MEGF6: variants seen among roughly 807,000 people sequenced by gnomAD.
MEGF6 encodes multiple EGF like domains 6, also known as multiple epidermal growth factor-like domains protein 6.
Under a neutral mutation model 207.1 loss-of-function variants are expected in MEGF6, and 184 were observed. The observed-to-expected ratio is 0.89, with a 90% CI of 0.79 to 1.00. MEGF6 has a LOEUF of 1.00. Among genes scored for constraint, MEGF6 ranks in the 50% least tolerant of loss-of-function variants. The pLI, the probability that MEGF6 is intolerant of heterozygous loss-of-function variation, is 0.00. For missense variants in MEGF6, 2,282 were observed against 2,202.9 expected (o/e 1.04, Z -0.72); for synonymous variants, 1,038 against 910.0 (o/e 1.14, Z -2.53).
chr1:3,548,863 G>A (rs1156850731), intron 4 of MEGF6, among the ~76,000 whole-genome samples: 2 of 152,118 alleles, frequency 1.3e-5, no homozygotes, highest in Non-Finnish European at 2.9e-5. Context: ...GCAGCTGGGG[G>A]CCTTCAGGGA....
At position 3,494,680 on chromosome 1, in the gene MEGF6, G is replaced by A. The variant is rs1557712791; in HGVS notation, c.3933C>T (p.Gly1311=). ...CEHTCSCRNG[G]LCHASNGSCS... ...AGCTGCCGTTGCTGGCGTGGCACAG[G>A]CCCCCATTTCTGCAGGAGCAGGTGT... Residue 1311 remains glycine (G), a synonymous_variant, in exon 31 of 37, where the codon GGC becomes GGT. Transcript: ENST00000356575. 5 of 1,574,094 alleles carry A rather than the reference G, an allele frequency of 3.2e-6. No individual in the cohort carries two copies. The highest frequency in any genetic ancestry group is 3.7e-5 in the Admixed American group (2 of 54,720).
At position 3,495,892 on chromosome 1, in the gene MEGF6, C is replaced by G. The variant is rs763120864; in HGVS notation, c.3869G>C (p.Arg1290Pro). ...PPGRAGVRCE[R>P]GCPQNRFGVG... ...TGCCCTCTGGAGTGAACACTCACCT[C>G]GCTCACAGCGGACGCCGGCTCTCCC... The change falls in exon 30 of 37, where the codon CGA (arginine) becomes CCA (proline). Residue 1290 changes from arginine to proline, a missense_variant and splice_region_variant. By Grantham distance (103) the Arg-to-Pro change is moderately radical. Coordinates refer to ENST00000356575, the MANE Select transcript of MEGF6 (RefSeq NM_001409.4). The G allele has an allele frequency of 1.3e-6, 2 of 1,598,272 alleles. No individual in the cohort carries two copies. The highest frequency in any genetic ancestry group is 1.1e-5 in the South Asian group (1 of 90,756).
At chr1:3,529,957 A>C in intron 4 of MEGF6, among the ~76,000 whole-genome samples, 1 of 152,032 alleles carries the variant, frequency 6.6e-6, no homozygotes. Flanking sequence ...CGGGGTCCTC[A>C]CCCCCAGGGA....
chr1:3,577,945 T>C (rs953557464), intron 4 of MEGF6, among the ~76,000 whole-genome samples: 4 of 152,152 alleles, frequency 2.6e-5, no homozygotes, highest in Non-Finnish European at 4.4e-5. Context: ...GTGAGCCTCC[T>C]GCAAGCCCTG....
chr1:3,607,248 G>A (rs187769402), intron 1 of MEGF6, among the ~76,000 whole-genome samples: 37 of 149,384 alleles, frequency 2.5e-4, no homozygotes, highest in African/African-American at 8.9e-4. Context: ...GGACCACCCA[G>A]CAGCCCTTCC....
chr1:3,620,875 A>G, the MEGF6 span, among the ~76,000 whole-genome samples: 2 of 152,334 alleles, frequency 1.3e-5, no homozygotes, highest in African/African-American at 4.8e-5. Flanking sequence ...ACTCATCTCC[A>G]ATGATAGGTA....
Position 3,611,075 on chromosome 1 carries a change from G to C in MEGF6, c.131+63C>G. On this transcript the variant is annotated intron_variant, in intron 1 of 36. Coordinates refer to ENST00000356575, the MANE Select transcript of MEGF6 (RefSeq NM_001409.4). ...AAGCCTCGGAGCTCGGTCCACCACG[G>C]GCCTCCAGAGGCCCCGGGGTCCCTG... is the stretch of plus-strand genomic sequence containing the variant. 2.8e-6 allele frequency: 4 copies of C among 1,403,724 alleles called. No homozygotes were observed. The South Asian group carries it at 4.5e-5, about 16-fold the overall frequency. The allele number at this position is 1,403,724 out of a possible 1,614,324, so 87.0% of individuals were successfully genotyped here. A position where few individuals can be genotyped will look rare whatever the true frequency, so the allele number is the denominator to read the frequency against.
At chr1:3,590,158 C>G (rs763107641) in intron 3 of MEGF6, among the ~76,000 whole-genome samples, 3 of 152,210 alleles carry the variant, frequency 2.0e-5, no homozygotes, top group Non-Finnish European at 2.9e-5. Context: ...GGGCTTTGTT[C>G]CTCCACGGTT....
intron 2 of MEGF6, among the ~76,000 whole-genome samples, chr1:3,599,684 C>T (rs1644128958): frequency 6.6e-6 from 1 of 152,208 alleles, no homozygotes; most frequent in African/African-American, 2.4e-5. Context: ...CAGTCTCGGC[C>T]CGGCTGGCGA....
rs1341696381 is a variant in MEGF6, at chr1:3,510,964, C to A, written c.1115-62G>T. 3 of 1,382,208 alleles carry A rather than the reference C, an allele frequency of 2.2e-6. No homozygotes were observed. In the Admixed American group the frequency reaches 5.9e-5, roughly 27 times the overall value. 85.6% of individuals were successfully genotyped at this position (1,382,208 alleles called of 1,614,324 possible). A position where few individuals can be genotyped will look rare whatever the true frequency, so the allele number is the denominator to read the frequency against. ...CACCTGCACGTGCACACGCCCCCAC[C>A]CACACACAACTGCATACGACCACAC... On this transcript the variant is annotated intron_variant, in intron 9 of 36. Coordinates refer to ENST00000356575, the MANE Select transcript of MEGF6 (RefSeq NM_001409.4).
At chr1:3,599,860 T>C (rs371847380) in intron 2 of MEGF6, among the ~76,000 whole-genome samples, 6 of 152,172 alleles carry the variant, frequency 3.9e-5, no homozygotes, top group African/African-American at 1.2e-4. Context: ...GTGCCCCGTT[T>C]CTGGGCTGTG....
At chr1:3,557,451 C>A (rs1643068662) in intron 4 of MEGF6, among the ~76,000 whole-genome samples, 1 of 152,212 alleles carries the variant, frequency 6.6e-6, no homozygotes, top group Admixed American at 6.5e-5. Flanking sequence ...CTGGAGGGGT[C>A]TTGAGGAGGA....
chr1:3,538,743 T>TGA, intron 4 of MEGF6, among the ~76,000 whole-genome samples: 1 of 135,544 alleles, frequency 7.4e-6, no homozygotes, highest in South Asian at 2.4e-4. Context: ...TGTGTGTGTG[T>TGA]GTCCGCGCTG....
At position 3,488,573 on chromosome 1, in the gene MEGF6, C is replaced by T. The variant is rs61759244; in HGVS notation, c.*1955G>A. 1.1e-4 allele frequency among the ~76,000 whole-genome samples: 17 copies of T among 152,208 alleles called. No individual in the cohort carries two copies. The highest frequency in any genetic ancestry group is 1.8e-4 in the Non-Finnish European group (12 of 68,042). ...TCAGGCTTTTCTGTAGAAAAATGGC[C>T]GAGGCCTTGAAGGCCTAAGAATAAC... is the stretch of plus-strand genomic sequence containing the variant. On this transcript the variant is annotated 3_prime_UTR_variant, in exon 37 of 37. Coordinates refer to ENST00000356575, the MANE Select transcript of MEGF6 (RefSeq NM_001409.4).
intron 5 of MEGF6, among the ~76,000 whole-genome samples, chr1:3,516,795 G>A (rs1641557385): frequency 6.6e-6 from 1 of 152,204 alleles, no homozygotes; most frequent in African/African-American, 2.4e-5. Context: ...CCACAGGGGA[G>A]CAGGCGCTGA....
rs1643181906 is a variant in MEGF6, at chr1:3,560,906, G to A, written c.481+18919C>T. 4.8e-6 allele frequency: 2 copies of A among 412,950 alleles called. No individual in the cohort carries two copies. The highest frequency in any genetic ancestry group is 8.2e-5 in the East Asian group (1 of 12,172). 25.6% of individuals were successfully genotyped at this position (412,950 alleles called of 1,614,324 possible). A position where few individuals can be genotyped will look rare whatever the true frequency, so the allele number is the denominator to read the frequency against. On this transcript the variant is annotated intron_variant, in intron 4 of 36. Transcript: ENST00000356575. This position sits in a 1 kb window ranked among gnomAD's most constrained non-coding sequence, Gnocchi z 4.0. ...AGGGGGTGCTGGGCTCTACCCCCAG[G>A]CCTCTACTACCCTCTGGCACACATC...
chr1:3,595,460 A>G lies in MEGF6; in HGVS notation c.267-13T>C. The stretch of plus-strand genomic sequence containing the variant: ...GTAGTAGACGGTTCTAGAAAGAAAG[A>G]GAGAAGGGAAGTGCTTACCGTCGCG... On this transcript the variant is annotated splice_polypyrimidine_tract_variant and intron_variant, in intron 2 of 36. Coordinates refer to ENST00000356575, the MANE Select transcript of MEGF6 (RefSeq NM_001409.4). 1 of 1,602,394 alleles carries G rather than the reference A, an allele frequency of 6.2e-7. No individual in the cohort carries two copies. The highest frequency in any genetic ancestry group is 1.1e-5 in the South Asian group (1 of 90,858).
At position 3,499,206 on chromosome 1, in the gene MEGF6, G is replaced by C; in HGVS notation, c.3026C>G (p.Ala1009Gly). Reference protein sequence around the residue: ...CSQACACFNGASCDPVHGQCH... With the variant: ...CSQACACFNGGSCDPVHGQCH... The stretch of plus-strand genomic sequence containing the variant: ...CTGCCCGTGGACAGGGTCACAGGAG[G>C]CCCCGTTAAAGCAGGCACAGGCCTG... Residue 1009 changes from alanine to glycine, a missense_variant, in exon 24 of 37, where the codon GCC (alanine) becomes GGC (glycine). Physicochemically the swap from Ala to Gly is moderately conservative, Grantham distance 60 (BLOSUM62 0). Transcript: ENST00000356575. The C allele has an allele frequency of 1.9e-6, 3 of 1,604,848 alleles. No homozygotes were observed. Among genetic ancestry groups the C allele is most frequent in the Non-Finnish European group, 1.7e-6 (2 of 1,176,900 alleles).
At chr1:3,517,990 G>A (rs567398813) in intron 5 of MEGF6, among the ~76,000 whole-genome samples, 37 of 152,360 alleles carry the variant, frequency 2.4e-4, no homozygotes, top group East Asian at 1.2e-3. Context: ...AATCCGGCCC[G>A]ACATTTCTGC....
Sources: allele counts gnomAD v4.1 joint callset (sites outside exome capture counted in the v4.1 genomes callset), GRCh38; gene constraint gnomAD v4.1.1; non-coding constraint Gnocchi (gnomAD v3.1); transcripts MANE v1.5; gene names NCBI Gene and HGNC (gene_info 2026-07-23, HGNC 2026-07-21).